The following STARD3NL variants were observed in gnomAD, a reference collection of about 807,000 sequenced individuals.
STARD3NL encodes STARD3 N-terminal like.
Under a neutral mutation model 30.9 loss-of-function variants are expected in STARD3NL, and 17 were observed. That is an observed-to-expected ratio of 0.55 (90% confidence interval 0.38 to 0.82). The LOEUF is 0.82. STARD3NL is among the 40% of genes least tolerant of loss of function. The probability of loss-of-function intolerance (pLI) is 0.00; values close to 1 mark genes in which losing one functional copy is unlikely to be tolerated. For missense variants in STARD3NL, 234 were observed against 277.6 expected, an observed-to-expected ratio of 0.84 and a Z score of 1.12; for synonymous variants, 112 against 100.5, an observed-to-expected ratio of 1.11 and a Z score of -0.69.
intron 1 of STARD3NL, among the ~76,000 whole-genome samples, chr7:38,188,329 CT>C (rs1279060205): frequency 1.3e-5 from 2 of 152,186 alleles, no homozygotes; most frequent in African/African-American, 2.4e-5. Context: ...ACTTTTGCCC[CT>C]GTTCTTCCCT....
chr7:38,228,044 C>T (rs925274057), intron 7 of STARD3NL, among the ~76,000 whole-genome samples: 4 of 152,138 alleles, frequency 2.6e-5, no homozygotes, highest in African/African-American at 9.7e-5. Context: ...AATGTGATCT[C>T]ATGGCATTTA....
At chr7:38,220,894 A>G (rs1237545185) in intron 7 of STARD3NL, among the ~76,000 whole-genome samples, 1 of 152,226 alleles carries the variant, frequency 6.6e-6, no homozygotes, top group East Asian at 1.9e-4. Flanking sequence ...GCTTGAGCCC[A>G]GGAGCTCAAG....
chr7:38,222,324 A>G (rs1786517819), intron 7 of STARD3NL, among the ~76,000 whole-genome samples: 1 of 152,226 alleles, frequency 6.6e-6, no homozygotes, highest in Non-Finnish European at 1.5e-5. Flanking sequence ...GCAGCATACA[A>G]CACAGAAACA....
intron 2 of STARD3NL, among the ~76,000 whole-genome samples, chr7:38,209,990 A>G: frequency 6.6e-6 from 1 of 152,226 alleles, no homozygotes; most frequent in East Asian, 1.9e-4. Context: ...TGATCAAGCA[A>G]GAACATCAGG....
chr7:38,197,180 C>CTTTCTTTCTTTCT (rs1207660195), intron 1 of STARD3NL, among the ~76,000 whole-genome samples: 1 of 147,462 alleles, frequency 6.8e-6, no homozygotes, highest in African/African-American at 2.5e-5. Flanking sequence ...TTCTTTCTTT[C>CTTTCTTTCTTTCT]TTTCTTTCTT....
intron 1 of STARD3NL, among the ~76,000 whole-genome samples, chr7:38,197,156 CTT>C (rs1451893964): frequency 1.5e-4 from 22 of 145,122 alleles, no homozygotes; most frequent in Non-Finnish European, 2.3e-4. Context: ...TTCTTTCTTT[CTT>C]TCTTTCTTTC....
At chr7:38,181,062 G>A (rs1179990743) in intron 1 of STARD3NL, among the ~76,000 whole-genome samples, 1 of 152,090 alleles carries the variant, frequency 6.6e-6, no homozygotes, top group East Asian at 1.9e-4. Flanking sequence ...GCTTCTTCTT[G>A]GGCTACAATA....
intron 1 of STARD3NL, chr7:38,198,178 C>G (rs1785011827): frequency 6.6e-6 from 1 of 152,258 alleles, no homozygotes. Context: ...AAGTTTTAAT[C>G]CTAACTATAC....
chr7:38,216,960 A>AGAGG, intron 4 of STARD3NL, 65 bp from the exon 5 acceptor site: 1 of 1,582,518 alleles, frequency 6.3e-7, no homozygotes, highest in Non-Finnish European at 8.7e-7. Context: ...TCTCTTGTGA[A>AGAGG]GAGGGAGGTA....
At chr7:38,198,185 A>G (rs1304994636) in intron 1 of STARD3NL, 2 of 152,248 alleles carry the variant, frequency 1.3e-5, no homozygotes, top group Non-Finnish European at 2.9e-5. Flanking sequence ...AATCCTAACT[A>G]TACACTATCT....
intron 1 of STARD3NL, among the ~76,000 whole-genome samples, chr7:38,194,481 C>A (rs1469669712): frequency 6.6e-6 from 1 of 151,874 alleles, no homozygotes; most frequent in Non-Finnish European, 1.5e-5. Flanking sequence ...ATAGTTGCAG[C>A]TTTCTAACCT....
chr7:38,182,927 A>G (rs922229817), intron 1 of STARD3NL, among the ~76,000 whole-genome samples: 13 of 152,198 alleles, frequency 8.5e-5, no homozygotes, highest in Non-Finnish European at 1.5e-4. Context: ...TGCAGTAATC[A>G]TAGGTTTCTC....
chr7:38,224,580 G>A (rs1424893903), intron 7 of STARD3NL, among the ~76,000 whole-genome samples: 2 of 152,018 alleles, frequency 1.3e-5, no homozygotes, highest in African/African-American at 2.4e-5. Flanking sequence ...CTCCTGCTTC[G>A]TCCTGTCCAG....
At chr7:38,216,987 T>C (rs762413204) in intron 4 of STARD3NL, 38 bp from the exon 5 acceptor site, 1 of 1,610,180 alleles carries the variant, frequency 6.2e-7, no homozygotes, top group Non-Finnish European at 8.5e-7. Flanking sequence ...CAGTGTGAGA[T>C]GCCTAGTGTG....
At chr7:38,197,322 C>T (rs1170065231) in intron 1 of STARD3NL, among the ~76,000 whole-genome samples, 1 of 151,516 alleles carries the variant, frequency 6.6e-6, no homozygotes, top group Non-Finnish European at 1.5e-5. Flanking sequence ...AACTTCTGGG[C>T]TCAGGTGATC....
rs1263671048 is a variant in STARD3NL, at chr7:38,178,347, C to G, written c.-132C>G. 1 of 152,180 alleles carries G rather than the reference C, an allele frequency of 6.6e-6. No individual in the cohort carries two copies. Among genetic ancestry groups the G allele is most frequent in the African/African-American group, 2.4e-5 (1 of 41,462 alleles). 9.4% of individuals were successfully genotyped at this position (152,180 alleles called of 1,614,324 possible). ...TCACGCCCCGCCAAGCCCCGCCCCT[C>G]AGGCCGGGGCGCGACCGCGGATCCG... On this transcript the variant is annotated 5_prime_UTR_variant, in exon 1 of 9. Coordinates refer to ENST00000009041, the MANE Select transcript of STARD3NL (RefSeq NM_032016.4).
intron 3 of STARD3NL, 57 bp from the exon 4 acceptor site, chr7:38,214,971 A>T (rs1786014543): frequency 2.7e-6 from 4 of 1,494,086 alleles, no homozygotes; most frequent in African/African-American, 1.4e-5. Flanking sequence ...TTTTTCATAA[A>T]GCTGTGTCAT....
chr7:38,194,618 C>T (rs1033007581), intron 1 of STARD3NL, among the ~76,000 whole-genome samples: 39 of 152,036 alleles, frequency 2.6e-4, no homozygotes, highest in Admixed American at 4.6e-4. Context: ...TCATTTTTTT[C>T]CAATAGTTTG....
intron 1 of STARD3NL, among the ~76,000 whole-genome samples, chr7:38,190,750 T>C (rs146740116): frequency 2.0e-5 from 3 of 152,312 alleles, no homozygotes; most frequent in African/African-American, 7.2e-5. Context: ...TTATGCTCTT[T>C]TCTATTTGAA....
Sources: allele counts gnomAD v4.1 joint callset (sites outside exome capture counted in the v4.1 genomes callset), GRCh38; gene constraint gnomAD v4.1.1; transcripts MANE v1.5; gene names NCBI Gene and HGNC (gene_info 2026-07-23, HGNC 2026-07-21).